TRIP12: variants seen among roughly 807,000 people sequenced by gnomAD.
TRIP12 encodes E3 ubiquitin-protein ligase TRIP12.
TRIP12 carries 25 observed loss-of-function variants against 244.2 expected under a neutral mutation model. The ratio of observed to expected loss-of-function variants is 0.10; its 90% CI spans 0.07 to 0.14. The LOEUF is 0.14. Ranked by LOEUF, TRIP12 falls within the 10% of genes least tolerant of loss-of-function variation. TRIP12 has a pLI of 1.00. For missense variants in TRIP12, 1,677 were observed against 2,486.4 expected (o/e 0.67, Z 6.92); for synonymous variants, 905 against 873.1 (o/e 1.04, Z -0.64).
At chr2:229,921,246 T>C in intron 1 of TRIP12, 1 of 152,222 alleles carries the variant, frequency 6.6e-6, no homozygotes, top group Non-Finnish European at 1.5e-5. Flanking sequence ...TCCCTCGCCG[T>C]CCCCCTGGGC....
intron 5 of TRIP12, among the ~76,000 whole-genome samples, chr2:229,837,941 C>T (rs1380855199): frequency 1.3e-5 from 2 of 152,112 alleles, no homozygotes; most frequent in Non-Finnish European, 2.9e-5. Flanking sequence ...ACAGCGAAAT[C>T]AGTAAGCAAA....
intron 1 of TRIP12, among the ~76,000 whole-genome samples, chr2:229,918,786 G>A (rs1408710482): frequency 6.6e-6 from 1 of 152,046 alleles, no homozygotes; most frequent in East Asian, 1.9e-4. Flanking sequence ...GGACCACCAC[G>A]ACTAATGAGA....
chr2:229,797,244 TAAAAA>T (rs2043037206), intron 24 of TRIP12, among the ~76,000 whole-genome samples: 1 of 151,518 alleles, frequency 6.6e-6, no homozygotes, highest in African/African-American at 2.4e-5. Flanking sequence ...AATAAATAAA[TAAAAA>T]TAAAAATAAG....
At chr2:229,839,736 T>C (rs769035744) in intron 5 of TRIP12, among the ~76,000 whole-genome samples, 1 of 151,530 alleles carries the variant, frequency 6.6e-6, no homozygotes, top group African/African-American at 2.4e-5. Flanking sequence ...AACTCATATA[T>C]AGCTACTGAA....
At chr2:229,874,960 A>G (rs12465080) in intron 2 of TRIP12, among the ~76,000 whole-genome samples, 13,692 of 152,288 alleles carry the variant, frequency 0.09, 797 homozygotes, top group Non-Finnish European at 0.13. Flanking sequence ...ACGCTACTGC[A>G]TTGCCAAGAG....
intron 4 of TRIP12, among the ~76,000 whole-genome samples, chr2:229,841,903 AAAAAGGATTCTAGACAT>A (rs1164021092): frequency 6.6e-6 from 1 of 152,246 alleles, no homozygotes; most frequent in East Asian, 1.9e-4. Context: ...GAGAAACAGT[AAAAAGGATTCTAGACAT>A]TTTCTTGATC....
intron 29 of TRIP12, 117 bp from the exon 30 acceptor site, chr2:229,791,368 T>C: frequency 8.4e-7 from 1 of 1,184,456 alleles, no homozygotes; most frequent in Non-Finnish European, 1.2e-6. Flanking sequence ...TATTCTCCTC[T>C]CTCTCCCTAG....
intron 36 of TRIP12, among the ~76,000 whole-genome samples, chr2:229,777,685 T>A (rs942485407): frequency 1.3e-5 from 2 of 152,232 alleles, no homozygotes; most frequent in African/African-American, 2.4e-5. Context: ...CTGTAGTCTG[T>A]ATTACTGAAT....
chr2:229,922,711 C>A, upstream of TRIP12: 1 of 1,220,088 alleles, frequency 8.2e-7, no homozygotes, highest in Non-Finnish European at 1.2e-6. Context: ...CGTAGCCCGC[C>A]GGAAGCGCCC....
chr2:229,837,114 G>A, intron 5 of TRIP12, 130 bp from the exon 6 acceptor site: 1 of 1,006,688 alleles, frequency 9.9e-7, no homozygotes, highest in Non-Finnish European at 1.3e-6. Flanking sequence ...ATAAAAGTAA[G>A]TGCACAAAAT....
At chr2:229,834,727 T>C (rs1332105971) in intron 6 of TRIP12, among the ~76,000 whole-genome samples, 1 of 151,274 alleles carries the variant, frequency 6.6e-6, no homozygotes, top group Non-Finnish European at 1.5e-5. Flanking sequence ...AACACAGCAC[T>C]CCAACCTGGG....
chr2:229,815,036 C>G (rs944730754), intron 11 of TRIP12, 63 bp downstream of exon 11: 1 of 1,257,310 alleles, frequency 8.0e-7, no homozygotes, highest in African/African-American at 1.5e-5. Context: ...AGCTAAAATT[C>G]AAGAGTTTGA....
chr2:229,823,143 TGATGA>T (rs1335245301), intron 8 of TRIP12, among the ~76,000 whole-genome samples: 13 of 152,118 alleles, frequency 8.5e-5, no homozygotes, highest in Admixed American at 3.9e-4. Flanking sequence ...GAAAATCTGA[TGATGA>T]GATAAGAGAA....
chr2:229,893,154 T>A (rs569971514), intron 1 of TRIP12, among the ~76,000 whole-genome samples: 1 of 152,384 alleles, frequency 6.6e-6, no homozygotes, highest in South Asian at 2.1e-4. Flanking sequence ...GTTTTACATA[T>A]GTTTTATTAC....
In TRIP12 at chr2:229,836,828, G is replaced by T. The variant is rs375870736; in HGVS notation, c.1270+20C>A. On this transcript the variant is annotated intron_variant, in intron 6 of 41. Coordinates refer to ENST00000675903, the MANE Select transcript of TRIP12 (RefSeq NM_001348323.3). ...GTAAAAGACAGAAACGCATTTTAAA[G>T]CTAAGAAGTACCAATCTACCTGCAG... 172 of 1,582,750 alleles carry T rather than the reference G, an allele frequency of 1.1e-4. No individual in the cohort carries two copies. In the African/African-American group the frequency reaches 2.3e-3, roughly 21 times the overall value.
chr2:229,884,118 C>A lies in TRIP12; in HGVS notation c.-49-3990G>T, dbSNP rs150508620. 2.0e-4 allele frequency among the ~76,000 whole-genome samples: 31 copies of A among 151,814 alleles called. No homozygotes were observed. In the East Asian group the frequency reaches 6.0e-3, roughly 29 times the overall value. On this transcript the variant is annotated intron_variant, in intron 1 of 41. Transcript: ENST00000675903. ...AGTGAGTCCATTTCAAAAAAAAAAC[C>A]CAAAAACCTGTATGTTGTTGTTTTA...
intron 1 of TRIP12, among the ~76,000 whole-genome samples, chr2:229,903,779 G>A (rs2071782819): frequency 6.6e-6 from 1 of 151,262 alleles, no homozygotes; most frequent in South Asian, 2.1e-4. Flanking sequence ...ACTTTGGGAT[G>A]CCAAAGCAGA....
Position 229,840,915 on chromosome 2 carries a change from G to C in TRIP12, c.1040C>G (p.Ser347Cys). ...LQAKLASLRK[S>C]TKKRSESPPA... ...TGGAGACTCACTGCGTTTCTTCGTA[G>C]ATTTTCTTAAACCTATCCACAGAAA... is the stretch of plus-strand genomic sequence containing the variant. Residue 347 changes from serine (S) to cysteine (C), a missense_variant, in exon 5 of 42, where the codon TCT (serine) becomes TGT (cysteine). Transcript: ENST00000675903. The C allele has an allele frequency of 6.2e-7, 1 of 1,602,546 alleles. No individual in the cohort carries two copies. The highest frequency in any genetic ancestry group is 8.5e-7 in the Non-Finnish European group (1 of 1,176,820).
At chr2:229,815,627 T>C (rs889617112) in intron 9 of TRIP12, among the ~76,000 whole-genome samples, 2 of 152,000 alleles carry the variant, frequency 1.3e-5, no homozygotes, top group Non-Finnish European at 2.9e-5. Context: ...AGCCTATTAA[T>C]ATATCCCTGA....
Sources: gnomAD v4.1 joint callset for allele counts (sites outside exome capture counted in the v4.1 genomes callset) on GRCh38, gnomAD v4.1.1 for gene constraint, MANE v1.5 for transcripts, NCBI Gene and HGNC (gene_info 2026-07-23, HGNC 2026-07-21) for gene names.